ARHGAP10: variants seen among roughly 807,000 people sequenced by gnomAD.
The protein encoded by ARHGAP10 is rho GTPase-activating protein 10.
In ARHGAP10, 87 loss-of-function variants were observed where a neutral mutation model predicts 108.6. The ratio of observed to expected loss-of-function variants is 0.80; its 90% CI spans 0.67 to 0.96. ARHGAP10 has a LOEUF of 0.96. ARHGAP10 is among the 40% of genes least tolerant of loss of function. The pLI, the probability that ARHGAP10 is intolerant of heterozygous loss-of-function variation, is 0.00. For synonymous variants in ARHGAP10, 347 were observed against 341.1 expected, an observed-to-expected ratio of 1.02 and a Z score of -0.19; for missense variants, 939 against 954.5, an observed-to-expected ratio of 0.98 and a Z score of 0.21.
chr4:147,784,794 T>A lies in ARHGAP10; in HGVS notation c.155-37933T>A. Among the ~76,000 whole-genome samples, 2 of 32,494 alleles carry A rather than the reference T, an allele frequency of 6.2e-5. 1 individual carries two copies. Among genetic ancestry groups the A allele is most frequent in the Non-Finnish European group, 1.8e-4 (2 of 11,082 alleles). 21.3% of individuals were successfully genotyped at this position (32,494 alleles called of 152,430 possible). On this transcript the variant is annotated intron_variant, in intron 1 of 22. Coordinates refer to ENST00000336498, the MANE Select transcript of ARHGAP10 (RefSeq NM_024605.4). ...TAAATATAATATATTATAAAATATA[T>A]ATTATAAATATAATATATTATAAAA...
intron 1 of ARHGAP10, among the ~76,000 whole-genome samples, chr4:147,764,636 G>A (rs1278867709): frequency 6.6e-6 from 1 of 152,002 alleles, no homozygotes; most frequent in African/African-American, 2.4e-5. Context: ...TGGGTTCAAG[G>A]GATTCTCGTG....
At chr4:147,806,415 A>G (rs1450092991) in intron 1 of ARHGAP10, among the ~76,000 whole-genome samples, 3 of 151,450 alleles carry the variant, frequency 2.0e-5, no homozygotes, top group Non-Finnish European at 2.9e-5. Context: ...AATATTGTAT[A>G]ATATATAATT....
chr4:147,876,159 A>G (rs1161353063), intron 8 of ARHGAP10, among the ~76,000 whole-genome samples: 11 of 152,114 alleles, frequency 7.2e-5, no homozygotes, highest in Non-Finnish European at 1.6e-4. Context: ...TGCCTTTTCC[A>G]TTTGCCCTTA....
chr4:148,035,167 C>T (rs1728318608), intron 19 of ARHGAP10, among the ~76,000 whole-genome samples: 1 of 152,186 alleles, frequency 6.6e-6, no homozygotes, highest in African/African-American at 2.4e-5. Flanking sequence ...CTGATTCTCT[C>T]ATCAGCTTTT....
chr4:147,788,478 A>G (rs2126742927), intron 1 of ARHGAP10, among the ~76,000 whole-genome samples: 1 of 152,208 alleles, frequency 6.6e-6, no homozygotes, highest in East Asian at 1.9e-4. Flanking sequence ...TCTGAGGTCC[A>G]GTGAAGGTAT....
At chr4:148,040,561 C>T (rs1043825960) in intron 19 of ARHGAP10, among the ~76,000 whole-genome samples, 2 of 152,060 alleles carry the variant, frequency 1.3e-5, no homozygotes, top group African/African-American at 4.8e-5. Context: ...AGGCTGGTCT[C>T]AAACTCCTGG....
intron 19 of ARHGAP10, among the ~76,000 whole-genome samples, chr4:148,029,297 C>T (rs1047291282): frequency 6.6e-6 from 1 of 152,156 alleles, no homozygotes; most frequent in African/African-American, 2.4e-5. Flanking sequence ...GATGGGAGGC[C>T]ACTCACTCTA....
intron 1 of ARHGAP10, among the ~76,000 whole-genome samples, chr4:147,751,432 C>T (rs1210814088): frequency 2.7e-5 from 4 of 150,856 alleles, no homozygotes; most frequent in African/African-American, 4.9e-5. Context: ...GGCGTGATCT[C>T]GGCTCACTGC....
intron 22 of ARHGAP10, among the ~76,000 whole-genome samples, chr4:148,067,387 C>T (rs1249391549): frequency 6.6e-6 from 1 of 152,194 alleles, no homozygotes; most frequent in Non-Finnish European, 1.5e-5. Context: ...GAAGCCCTTC[C>T]TTAAATGGCT....
chr4:148,064,435 C>A lies in ARHGAP10; in HGVS notation c.2200C>A (p.Arg734=). 6.2e-7 allele frequency: 1 copy of A among 1,613,918 alleles called. No individual in the cohort carries two copies. The highest frequency in any genetic ancestry group is 8.5e-7 in the Non-Finnish European group (1 of 1,179,956). The change falls in exon 22 of 23, where the codon CGA becomes AGA. Residue 734 remains arginine (R), a synonymous_variant. Transcript: ENST00000336498. ...TTTCAGCATCCGCAGTCGGAAGGCTCGAGCCGTGTATCCGTGTGAAGCAGA... is the reference window on the plus strand; with the variant it reads ...TTTCAGCATCCGCAGTCGGAAGGCTAGAGCCGTGTATCCGTGTGAAGCAGA... ...PPESIRSRKA[R]AVYPCEAEHS...
intron 3 of ARHGAP10, among the ~76,000 whole-genome samples, chr4:147,824,721 A>T (rs945720791): frequency 3.9e-5 from 6 of 152,126 alleles, no homozygotes; most frequent in Non-Finnish European, 7.4e-5. Context: ...ACTCACTGTC[A>T]TGAGAACAGC....
chr4:147,892,822 A>G (rs1735838741), intron 10 of ARHGAP10, among the ~76,000 whole-genome samples: 1 of 152,140 alleles, frequency 6.6e-6, no homozygotes. Flanking sequence ...ACACTGATAT[A>G]ATGTATTTTA....
Position 147,864,884 on chromosome 4 carries a change from T to C in ARHGAP10, c.525T>C (p.Tyr175=), listed in dbSNP as rs765708006. 6.2e-7 allele frequency: 1 copy of C among 1,614,002 alleles called. No homozygotes were observed. The highest frequency in any genetic ancestry group is 8.5e-7 in the Non-Finnish European group (1 of 1,179,994). Residue 175 remains tyrosine, a synonymous_variant, in exon 6 of 23, where the codon TAT becomes TAC. Transcript: ENST00000336498. ...TAGAGCAGAACCGGCAACACTTCTA[T>C]GAACTGTCTCTCGAGTATGTGTGTA... is the stretch of plus-strand genomic sequence containing the variant. The part of the protein sequence containing the change: ...IQVEQNRQHF[Y]ELSLEYVCKL...
At chr4:147,983,503 C>CTTT (rs577734640) in intron 18 of ARHGAP10, among the ~76,000 whole-genome samples, 2 of 142,396 alleles carry the variant, frequency 1.4e-5, no homozygotes, top group African/African-American at 5.1e-5. Flanking sequence ...TTTTAAAATT[C>CTTT]TTTTTTTTTT....
rs113611599 is a variant in ARHGAP10 at position 147,875,047 on chromosome 4, G to A, written c.729G>A (p.Arg243=). 5,212 of 1,604,706 alleles carry A rather than the reference G, an allele frequency of 3.2e-3. 109 individuals carry two copies. In the African/African-American group the frequency reaches 0.045, roughly 14 times the overall value. The change falls in exon 8 of 23, where the codon AGG becomes AGA. Residue 243 remains arginine (R), a synonymous_variant. Coordinates refer to ENST00000336498, the MANE Select transcript of ARHGAP10 (RefSeq NM_024605.4). ...QNTRNRFEGT[R]SEVEELMNKI... is the part of the protein sequence containing the mutation. ...CACGGAATCGATTTGAAGGAACAAG[G>A]TCAGAAGTGGAAGAGCTCATGAACA... is the stretch of plus-strand genomic sequence containing the variant.
At chr4:147,952,081 C>T (rs139730142) in intron 15 of ARHGAP10, among the ~76,000 whole-genome samples, 1 of 152,246 alleles carries the variant, frequency 6.6e-6, no homozygotes, top group Non-Finnish European at 1.5e-5. Flanking sequence ...GTAGCACATA[C>T]CAACAGTTCA....
chr4:147,974,966 C>T (rs993372470), intron 18 of ARHGAP10, among the ~76,000 whole-genome samples: 1 of 152,172 alleles, frequency 6.6e-6, no homozygotes, highest in South Asian at 2.1e-4. Flanking sequence ...CAATTATCTC[C>T]CACTGGGTCC....
chr4:148,044,149 T>C (rs993688311), intron 19 of ARHGAP10, among the ~76,000 whole-genome samples: 9 of 152,132 alleles, frequency 5.9e-5, no homozygotes, highest in Admixed American at 2.0e-4. Flanking sequence ...AGAACTCTCT[T>C]AATAGAATGT....
At chr4:147,971,632 G>A (rs1041959898) in intron 18 of ARHGAP10, among the ~76,000 whole-genome samples, 1 of 152,080 alleles carries the variant, frequency 6.6e-6, no homozygotes, top group Non-Finnish European at 1.5e-5. Flanking sequence ...CAGAGAGGAG[G>A]TACGTGTTCT....
Sources: gnomAD v4.1 joint callset for allele counts (sites outside exome capture counted in the v4.1 genomes callset) on GRCh38, gnomAD v4.1.1 for gene constraint, MANE v1.5 for transcripts, NCBI Gene and HGNC (gene_info 2026-07-23, HGNC 2026-07-21) for gene names.